SMCO2: variants seen among roughly 807,000 people sequenced by gnomAD.
SMCO2 encodes single-pass membrane protein with coiled-coil domains 2.
SMCO2 carries 25 observed loss-of-function variants against 29.5 expected under a neutral mutation model. The ratio of observed to expected loss-of-function variants is 0.85; its 90% CI spans 0.62 to 1.18. The LOEUF is 1.18. Ranked by LOEUF, SMCO2 falls within the 50% of genes most tolerant of loss-of-function variation. The pLI is 0.00. For synonymous variants in SMCO2, 117 were observed against 123.3 expected (o/e 0.95, Z 0.34); for missense variants, 348 against 344.5 (o/e 1.01, Z -0.08).
chr12:27,468,107 A>G (rs529917551), intron 1 of SMCO2, among the ~76,000 whole-genome samples: 1 of 152,164 alleles, frequency 6.6e-6, no homozygotes, highest in African/African-American at 2.4e-5. Flanking sequence ...CATTCTGCAG[A>G]GGAAAAAGTG....
chr12:27,456,536 A>T, the SMCO2 span, among the ~76,000 whole-genome samples: 1 of 152,178 alleles, frequency 6.6e-6, no homozygotes, highest in East Asian at 1.9e-4. Context: ...CTCCCACCTC[A>T]GTCTCCTGAG....
the SMCO2 span, among the ~76,000 whole-genome samples, chr12:27,459,667 C>T: frequency 6.6e-5 from 10 of 152,226 alleles, no homozygotes; most frequent in Non-Finnish European, 1.2e-4. Context: ...GGACAGGGAC[C>T]GTGATTCTTT....
At chr12:27,482,224 C>T (rs1949649916) in intron 4 of SMCO2, among the ~76,000 whole-genome samples, 4 of 152,136 alleles carry the variant, frequency 2.6e-5, no homozygotes, top group African/African-American at 4.8e-5. Context: ...TCAATCAGCT[C>T]AGAATACATT....
chr12:27,479,205 G>T (rs1949618201), intron 4 of SMCO2, among the ~76,000 whole-genome samples: 1 of 152,152 alleles, frequency 6.6e-6, no homozygotes, highest in East Asian at 1.9e-4. Flanking sequence ...GCATGGGCTG[G>T]CAGAGGCAGG....
chr12:27,487,772 C>T (rs1488886221), intron 4 of SMCO2, among the ~76,000 whole-genome samples: 19 of 142,386 alleles, frequency 1.3e-4, no homozygotes, highest in African/African-American at 5.3e-4. Flanking sequence ...TTTTTTTTGC[C>T]ATTGTGACAA....
chr12:27,470,373 G>A (rs1296887162), intron 1 of SMCO2, among the ~76,000 whole-genome samples: 3 of 152,156 alleles, frequency 2.0e-5, no homozygotes, highest in Non-Finnish European at 4.4e-5. Context: ...TCTCCTTCGA[G>A]CATTCAAAGC....
At chr12:27,482,946 T>G (rs1227470012) in intron 4 of SMCO2, among the ~76,000 whole-genome samples, 1 of 152,146 alleles carries the variant, frequency 6.6e-6, no homozygotes, top group Non-Finnish European at 1.5e-5. Context: ...AGGCTAGCCT[T>G]GGACTTCTGG....
intron 7 of SMCO2, chr12:27,496,817 G>A (rs564913430): frequency 1.3e-5 from 2 of 150,928 alleles, no homozygotes; most frequent in South Asian, 2.1e-4. Flanking sequence ...CCCATGGCAT[G>A]TTATTGAAAT....
At chr12:27,497,245 A>G (rs946501229) in intron 7 of SMCO2, 1 of 152,458 alleles carries the variant, frequency 6.6e-6, no homozygotes, top group Non-Finnish European at 1.5e-5. Flanking sequence ...TAAAAACTTG[A>G]AAGTTTATCT....
chr12:27,480,070 G>A (rs144333282), intron 4 of SMCO2, among the ~76,000 whole-genome samples: 38 of 152,288 alleles, frequency 2.5e-4, no homozygotes, highest in Admixed American at 1.4e-3. Context: ...CCCCTGGAAA[G>A]CAACTGGTGC....
chr12:27,496,500 T>C (rs1337136976), intron 7 of SMCO2, among the ~76,000 whole-genome samples: 1 of 150,530 alleles, frequency 6.6e-6, no homozygotes, highest in African/African-American at 2.5e-5. Flanking sequence ...CATAAGAAAT[T>C]TGAAAAGTTT....
At chr12:27,446,399 C>A in the SMCO2 span, 1 of 152,274 alleles carries the variant, frequency 6.6e-6, no homozygotes. Context: ...AATTATCTCC[C>A]AAAGGCCTGA....
chr12:27,499,931 C>CA (rs1310833682), intron 7 of SMCO2, among the ~76,000 whole-genome samples: 1 of 150,484 alleles, frequency 6.6e-6, no homozygotes, highest in Non-Finnish European at 1.5e-5. Flanking sequence ...CCTTTATGGT[C>CA]ATCCCCTATG....
At chr12:27,473,678 C>A (rs541643011) in intron 3 of SMCO2, among the ~76,000 whole-genome samples, 4 of 152,252 alleles carry the variant, frequency 2.6e-5, no homozygotes, top group South Asian at 2.1e-4. Context: ...TAAAGAGTTA[C>A]ATGAATGTTA....
chr12:27,498,815 G>A (rs1240062718), intron 7 of SMCO2, among the ~76,000 whole-genome samples: 4 of 150,200 alleles, frequency 2.7e-5, no homozygotes, highest in Non-Finnish European at 4.4e-5. Context: ...CGGTCAACAA[G>A]CACATGAAAA....
chr12:27,437,663 G>T, the SMCO2 span, among the ~76,000 whole-genome samples: 1 of 152,114 alleles, frequency 6.6e-6, no homozygotes, highest in Non-Finnish European at 1.5e-5. Context: ...AGGGAAGGGG[G>T]TTCTTCAGGG....
chr12:27,484,537 T>A (rs1434563158), intron 4 of SMCO2, among the ~76,000 whole-genome samples: 2 of 152,212 alleles, frequency 1.3e-5, no homozygotes, highest in East Asian at 3.8e-4. Context: ...ACTTTAAAGA[T>A]GCTGTTGAAA....
At chr12:27,435,539 C>T in the SMCO2 span, among the ~76,000 whole-genome samples, 1 of 151,034 alleles carries the variant, frequency 6.6e-6, no homozygotes, top group African/African-American at 2.4e-5. Flanking sequence ...CTCTCTCTCT[C>T]TCTCTCCCCC....
intron 4 of SMCO2, among the ~76,000 whole-genome samples, chr12:27,477,245 A>T (rs867606191): frequency 8.3e-6 from 1 of 120,670 alleles, no homozygotes; most frequent in African/African-American, 3.0e-5. Context: ...TCCTCTCAGC[A>T]CTTTGAATAT....
Sources: gnomAD v4.1 joint callset for allele counts (sites outside exome capture counted in the v4.1 genomes callset) on GRCh38, gnomAD v4.1.1 for gene constraint, MANE v1.5 for transcripts, NCBI Gene and HGNC (gene_info 2026-07-23, HGNC 2026-07-21) for gene names.